Variants in RABGEF1 observed in about 807,000 individuals in gnomAD.
The protein encoded by RABGEF1 is RAB guanine nucleotide exchange factor 1, also known as rab5 GDP/GTP exchange factor.
In RABGEF1, 26 loss-of-function variants were observed where a neutral mutation model predicts 57.3. The observed-to-expected ratio is 0.45, with a 90% confidence interval of 0.33 to 0.63. The LOEUF is 0.63. RABGEF1 is among the 20% of genes least tolerant of loss of function. The pLI is 0.02. For synonymous variants in RABGEF1, 185 were observed against 210.7 expected (o/e 0.88, Z 1.06); for missense variants, 464 against 607.6 (o/e 0.76, Z 2.48).
intron 2 of RABGEF1, among the ~76,000 whole-genome samples, chr7:66,725,664 G>C (rs1306652947): frequency 6.6e-6 from 1 of 152,196 alleles, no homozygotes; most frequent in Non-Finnish European, 1.5e-5. Context: ...TTATGGATGA[G>C]GAAAGTGCAG....
At chr7:66,722,074 T>A (rs1183026620) in intron 2 of RABGEF1, among the ~76,000 whole-genome samples, 3 of 152,164 alleles carry the variant, frequency 2.0e-5, no homozygotes, top group Non-Finnish European at 4.4e-5. Flanking sequence ...GGAAGATCAC[T>A]TGAGCCCAGG....
the RABGEF1 span, among the ~76,000 whole-genome samples, chr7:66,657,820 C>CA: frequency 9.3e-5 from 14 of 151,288 alleles, no homozygotes; most frequent in East Asian, 1.9e-4. Flanking sequence ...GACTCTATCT[C>CA]AAAAAAAATC....
upstream of RABGEF1, chr7:66,740,056 T>TC (rs1290794097): frequency 1.3e-5 from 2 of 152,208 alleles, no homozygotes; most frequent in African/African-American, 4.8e-5. Context: ...ACCGTCAACT[T>TC]CCTGGGCTAT....
intron 3 of RABGEF1, among the ~76,000 whole-genome samples, chr7:66,782,172 GA>G (rs777347261): frequency 1.3e-5 from 2 of 152,158 alleles, no homozygotes; most frequent in Non-Finnish European, 2.9e-5. Flanking sequence ...TTTTAGAAAA[GA>G]TGTTGCATTT....
intron 2 of RABGEF1, among the ~76,000 whole-genome samples, chr7:66,735,661 T>C (rs1797860370): frequency 2.0e-5 from 3 of 152,142 alleles, no homozygotes; most frequent in South Asian, 4.1e-4. Flanking sequence ...GATCTGGTGG[T>C]TTAAAATGTG....
chr7:66,805,423 G>A (rs1336206385), intron 8 of RABGEF1, 27 bp downstream of exon 8: 1 of 1,611,982 alleles, frequency 6.2e-7, no homozygotes, highest in Non-Finnish European at 8.5e-7. Context: ...TTGGTGTTGT[G>A]GAGAAGGACT....
chr7:66,662,078 A>C, the RABGEF1 span, among the ~76,000 whole-genome samples: 2 of 152,088 alleles, frequency 1.3e-5, no homozygotes, highest in Non-Finnish European at 2.9e-5. Context: ...TCTACTAAAA[A>C]GTATAAAAAA....
intron 1 of RABGEF1, among the ~76,000 whole-genome samples, chr7:66,711,129 C>T (rs1201506290): frequency 1.3e-5 from 2 of 152,184 alleles, no homozygotes; most frequent in African/African-American, 4.8e-5. Flanking sequence ...CACTGCACTC[C>T]AGCCCGGTTG....
chr7:66,690,460 A>G (rs1242190271), intron 1 of RABGEF1, among the ~76,000 whole-genome samples: 1 of 148,216 alleles, frequency 6.7e-6, no homozygotes, highest in Non-Finnish European at 1.5e-5. Flanking sequence ...CATGCTGGTA[A>G]TCCCAGCACT....
At chr7:66,746,608 A>G (rs1235931691) in intron 1 of RABGEF1, among the ~76,000 whole-genome samples, 5 of 133,086 alleles carry the variant, frequency 3.8e-5, no homozygotes, top group African/African-American at 5.6e-5. Context: ...ATTTTTATTT[A>G]TAATATAACC....
chr7:66,656,227 C>T, the RABGEF1 span, among the ~76,000 whole-genome samples: 1 of 152,124 alleles, frequency 6.6e-6, no homozygotes, highest in Admixed American at 6.5e-5. Context: ...AGGGATCCTC[C>T]CACCTCAGCC....
chr7:66,656,210 G>A, the RABGEF1 span, among the ~76,000 whole-genome samples: 24 of 152,156 alleles, frequency 1.6e-4, no homozygotes, highest in Non-Finnish European at 2.9e-4. Context: ...TCAACTGCCT[G>A]TGCTCAAGGG....
In RABGEF1 at chr7:66,799,427, A is replaced by C; in HGVS notation, c.820+13A>C. 6.4e-7 allele frequency: 1 copy of C among 1,565,792 alleles called. No individual in the cohort carries two copies. Among genetic ancestry groups the C allele is most frequent in the Non-Finnish European group, 8.8e-7 (1 of 1,136,988 alleles). ...AAGGCGATCACAGGTCAGTGAAACCAAGAGCCTTTTTATTGGGATGTTTTC... is the reference window on the plus strand; with the variant it reads ...AAGGCGATCACAGGTCAGTGAAACCCAGAGCCTTTTTATTGGGATGTTTTC... On this transcript the variant is annotated intron_variant, in intron 7 of 8. Transcript: ENST00000284957.
At position 66,731,222 on chromosome 7, in the gene RABGEF1, T is replaced by C. The variant is rs902505305; in HGVS notation, c.-814-8774T>C. Among the ~76,000 whole-genome samples, 5 of 152,090 alleles carry C rather than the reference T, an allele frequency of 3.3e-5. 1 individual carries two copies. Among genetic ancestry groups the C allele is most frequent in the African/African-American group, 1.2e-4 (5 of 41,422 alleles). On this transcript the variant is annotated intron_variant and NMD_transcript_variant, in intron 2 of 9. Coordinates refer to the RABGEF1 transcript ENST00000607882. ...GGCCTGGCAACAGGACTTGGCAGAA[T>C]GTCCTTGAGGAGTTCAAGGGCAAGA... is the stretch of plus-strand genomic sequence containing the variant.
intron 1 of RABGEF1, among the ~76,000 whole-genome samples, chr7:66,745,806 G>A (rs955627847): frequency 6.7e-6 from 1 of 149,368 alleles, no homozygotes; most frequent in African/African-American, 2.5e-5. Context: ...CTAAAACCAA[G>A]AGTTTCAGGC....
intron 1 of RABGEF1, among the ~76,000 whole-genome samples, chr7:66,704,893 G>A (rs1464875473): frequency 1.3e-5 from 2 of 151,874 alleles, no homozygotes; most frequent in South Asian, 2.1e-4. Flanking sequence ...CTTTTCACTA[G>A]GCCTTGCAGC....
At chr7:66,672,737 C>T in the RABGEF1 span, among the ~76,000 whole-genome samples, 1 of 152,174 alleles carries the variant, frequency 6.6e-6, no homozygotes, top group East Asian at 1.9e-4. Flanking sequence ...CATCTCTGTG[C>T]TGGCCTCCAA....
chr7:66,731,639 C>G (rs2117654481), intron 2 of RABGEF1, among the ~76,000 whole-genome samples: 1 of 152,230 alleles, frequency 6.6e-6, no homozygotes, highest in Non-Finnish European at 1.5e-5. Flanking sequence ...ATGGCTTGAG[C>G]CCAGGAGTTC....
intron 4 of RABGEF1, among the ~76,000 whole-genome samples, chr7:66,789,748 A>T (rs1357020478): frequency 6.6e-6 from 1 of 151,506 alleles, no homozygotes; most frequent in Non-Finnish European, 1.5e-5. Context: ...AAAAATAATT[A>T]AAAATGTTTC....
Sources: allele counts gnomAD v4.1 joint callset (sites outside exome capture counted in the v4.1 genomes callset), GRCh38; gene constraint gnomAD v4.1.1; transcripts MANE v1.5; gene names NCBI Gene and HGNC (gene_info 2026-07-23, HGNC 2026-07-21).